RNF17: variants seen among roughly 807,000 people sequenced by gnomAD.
The protein encoded by RNF17 is spermatogenesis associated 23.
RNF17 carries 31 observed loss-of-function variants against 200.5 expected under a neutral mutation model. The observed-to-expected ratio is 0.15, with a 90% CI of 0.12 to 0.21. The LOEUF is 0.21. RNF17 is among the 10% of genes least tolerant of loss of function. The pLI is 1.00. For missense variants in RNF17, 1,628 were observed against 1,905.1 expected (o/e 0.85, Z 2.71); for synonymous variants, 606 against 637.8 (o/e 0.95, Z 0.75).
intron 18 of RNF17, among the ~76,000 whole-genome samples, chr13:24,841,168 C>T (rs1275504292): frequency 6.6e-6 from 1 of 152,180 alleles, no homozygotes; most frequent in Non-Finnish European, 1.5e-5. Flanking sequence ...CTTACTTACA[C>T]TCAGTTAACT....
chr13:24,792,949 A>G (rs1410191415), intron 9 of RNF17, 93 bp from the exon 10 acceptor site: 7 of 831,852 alleles, frequency 8.4e-6, no homozygotes, highest in Middle Eastern at 3.1e-4. Flanking sequence ...AAAGATTCAG[A>G]TTAATGTCCA....
rs1189634718 is a variant in RNF17, at chr13:24,812,496, T to A, written c.2091+8067T>A. Among the ~76,000 whole-genome samples, 3 of 152,226 alleles carry A rather than the reference T, an allele frequency of 2.0e-5. No individual in the cohort carries two copies. The East Asian group carries it at 5.8e-4, about 30-fold the overall frequency. Reference sequence around the variant, plus strand: ...GAGTGAGGCAATGCCTCGCCCTGCTTCGGCTCACGCATGGTGCATGCACCC... The same window carrying A: ...GAGTGAGGCAATGCCTCGCCCTGCTACGGCTCACGCATGGTGCATGCACCC... On this transcript the variant is annotated intron_variant, in intron 15 of 35. Transcript: ENST00000255324.
chr13:24,815,212 A>G (rs1887233990), intron 15 of RNF17, among the ~76,000 whole-genome samples: 1 of 152,202 alleles, frequency 6.6e-6, no homozygotes, highest in African/African-American at 2.4e-5. Context: ...CTTATTTAAT[A>G]TCTTTCAACA....
downstream of RNF17, chr13:24,884,093 A>G (rs1441298447): frequency 6.4e-7 from 1 of 1,572,078 alleles, no homozygotes; most frequent in Non-Finnish European, 8.6e-7. Flanking sequence ...TCTGTTTAAA[A>G]AGTTGTTACA....
chr13:24,748,033 G>A, the RNF17 span, among the ~76,000 whole-genome samples: 34,189 of 152,200 alleles, frequency 0.22, 4,198 homozygotes, highest in Middle Eastern at 0.33. Context: ...CTCCCGCTCC[G>A]GGCTGGACCT....
chr13:24,812,685 T>TC (rs1566168457), intron 15 of RNF17, among the ~76,000 whole-genome samples: 1 of 43,414 alleles, frequency 2.3e-5, no homozygotes, highest in African/African-American at 6.5e-5. Context: ...CCCCACCCCC[T>TC]TTTTTTTTTT....
At chr13:24,811,954 G>GGGGGTCA (rs1210478688) in intron 15 of RNF17, among the ~76,000 whole-genome samples, 4 of 151,828 alleles carry the variant, frequency 2.6e-5, no homozygotes, top group Non-Finnish European at 4.4e-5. Context: ...TAGGCTGCTC[G>GGGGGTCA]GGGGTCAGGG....
chr13:24,869,934 A>ATTTTTTTTTTTT (rs34196797), intron 31 of RNF17, among the ~76,000 whole-genome samples: 1 of 83,756 alleles, frequency 1.2e-5, no homozygotes, highest in South Asian at 4.2e-4. Flanking sequence ...TGCCCAGCTA[A>ATTTTTTTTTTTT]TTTTTTTTTT....
intron 18 of RNF17, among the ~76,000 whole-genome samples, chr13:24,840,482 C>CATCA (rs564785691): frequency 1.2e-3 from 181 of 152,164 alleles, no homozygotes; most frequent in Middle Eastern, 6.8e-3. Context: ...CCCAAATGCC[C>CATCA]ATCAATCAAT....
intron 7 of RNF17, 107 bp from the exon 8 acceptor site, chr13:24,789,241 A>G: frequency 4.1e-6 from 3 of 736,806 alleles, no homozygotes; most frequent in South Asian, 2.0e-5. Context: ...CCTGAATGCA[A>G]TAATTAATGA....
At chr13:24,806,932 AATG>A (rs1885958072) in intron 15 of RNF17, among the ~76,000 whole-genome samples, 1 of 151,652 alleles carries the variant, frequency 6.6e-6, no homozygotes, top group South Asian at 2.1e-4. Flanking sequence ...GTTTACTGAG[AATG>A]ATGATTTCCA....
chr13:24,843,527 A>T (rs900604415), intron 19 of RNF17, among the ~76,000 whole-genome samples: 2 of 152,038 alleles, frequency 1.3e-5, no homozygotes, highest in African/African-American at 4.8e-5. Flanking sequence ...AAAAAAAAAA[A>T]ATTTTTTTTG....
chr13:24,814,346 T>C (rs1287872036), intron 15 of RNF17, among the ~76,000 whole-genome samples: 2 of 152,232 alleles, frequency 1.3e-5, no homozygotes, highest in African/African-American at 4.8e-5. Context: ...CTTTTCACTT[T>C]CTTGATAGTG....
intron 35 of RNF17, 71 bp from the exon 36 acceptor site, chr13:24,879,666 T>A (rs996955972): frequency 1.8e-5 from 3 of 163,942 alleles, no homozygotes; most frequent in Non-Finnish European, 4.0e-5. Context: ...ATCTTGTCCA[T>A]AAGAAATGAT....
chr13:24,842,490 G>A (rs570485871), intron 19 of RNF17, among the ~76,000 whole-genome samples: 42 of 152,322 alleles, frequency 2.8e-4, no homozygotes, highest in South Asian at 1.5e-3. Flanking sequence ...GAAATGGCAG[G>A]ATGGAGAATA....
At chr13:24,769,012 C>T (rs4770739) in intron 2 of RNF17, among the ~76,000 whole-genome samples, 90,420 of 133,622 alleles carry the variant, frequency 0.68, 30,043 homozygotes, top group East Asian at 0.77. Flanking sequence ...TTTTTTTTGA[C>T]ATGGAGCTCC....
At chr13:24,762,859 A>G (rs1191319949), upstream of RNF17, among the ~76,000 whole-genome samples, 1 of 152,088 alleles carries the variant, frequency 6.6e-6, no homozygotes, top group African/African-American at 2.4e-5. Flanking sequence ...GTAAAGTCCA[A>G]ACTCCTCAGC....
intron 18 of RNF17, among the ~76,000 whole-genome samples, chr13:24,841,561 A>G (rs915292495): frequency 6.6e-6 from 1 of 152,220 alleles, no homozygotes; most frequent in Non-Finnish European, 1.5e-5. Flanking sequence ...CTGACCATTT[A>G]TATCTGCAAA....
Position 24,802,564 on chromosome 13 carries a change from C to T in RNF17, c.1942C>T (p.Leu648=), listed in dbSNP as rs1363063360. 2 of 1,602,036 alleles carry T rather than the reference C, an allele frequency of 1.2e-6. No homozygotes were observed. The highest frequency in any genetic ancestry group is 2.3e-5 in the South Asian group (2 of 88,080). Residue 648 remains leucine, a synonymous_variant, in exon 14 of 36, where the codon CTA becomes TTA. Coordinates refer to ENST00000255324, the MANE Select transcript of RNF17 (RefSeq NM_031277.3). ...SLRDALVFME[L]AKFKSQSLRS... ...TAGAGATGCGCTAGTTTTTATGGAA[C>T]TAGCAAAGTAAGTAACTTATTAAAA...
Sources: allele counts gnomAD v4.1 joint callset (sites outside exome capture counted in the v4.1 genomes callset), GRCh38; gene constraint gnomAD v4.1.1; transcripts MANE v1.5; gene names NCBI Gene and HGNC (gene_info 2026-07-23, HGNC 2026-07-21).